Variants in RFC3 observed in about 807,000 individuals in gnomAD.
RFC3 encodes the protein replication factor C subunit 3, also known as A1 38 kDa subunit.
RFC3 carries 41 observed loss-of-function variants against 45.1 expected under a neutral mutation model. The ratio of observed to expected loss-of-function variants is 0.91; its 90% CI spans 0.71 to 1.18. RFC3 has a LOEUF of 1.18. RFC3 is among the 50% of genes most tolerant of loss of function. RFC3 has a pLI of 0.00. For synonymous variants in RFC3, 149 were observed against 144.0 expected, an observed-to-expected ratio of 1.03 and a Z score of -0.25; for missense variants, 423 against 428.1, an observed-to-expected ratio of 0.99 and a Z score of 0.10.
At chr13:33,835,095 A>G in intron 7 of RFC3, 53 bp from the exon 8 acceptor site, 1 of 1,223,414 alleles carries the variant, frequency 8.2e-7, no homozygotes, top group Non-Finnish European at 1.2e-6. Flanking sequence ...GGGAATTTGG[A>G]AAAATTACCT....
At chr13:33,913,584 ACTCT>A (rs2082715482) in intron 8 of RFC3, among the ~76,000 whole-genome samples, 1 of 151,802 alleles carries the variant, frequency 6.6e-6, no homozygotes, top group African/African-American at 2.4e-5. Flanking sequence ...GAAATTACTC[ACTCT>A]CTCTAAGCCT....
chr13:33,908,555 A>G (rs193183501), intron 8 of RFC3, among the ~76,000 whole-genome samples: 1 of 151,380 alleles, frequency 6.6e-6, no homozygotes, highest in Non-Finnish European at 1.5e-5. Context: ...TGTATTCTAT[A>G]ATAGTCTGTG....
At chr13:33,857,435 A>G (rs1277708600) in intron 8 of RFC3, among the ~76,000 whole-genome samples, 1 of 152,162 alleles carries the variant, frequency 6.6e-6, no homozygotes, top group African/African-American at 2.4e-5. Context: ...CCTCAAGGAA[A>G]CACAAGTCAG....
intron 8 of RFC3, among the ~76,000 whole-genome samples, chr13:33,927,165 TAA>T (rs2082819088): frequency 6.7e-6 from 1 of 150,268 alleles, no homozygotes; most frequent in Admixed American, 6.7e-5. Context: ...GTCTCAGGAA[TAA>T]AATAAGAGGG....
At chr13:33,918,739 A>G (rs1228657046) in intron 8 of RFC3, among the ~76,000 whole-genome samples, 1 of 152,126 alleles carries the variant, frequency 6.6e-6, no homozygotes, top group East Asian at 1.9e-4. Context: ...GTCACATCCC[A>G]TTACTCTGGA....
At chr13:33,950,143 C>G (rs554516795) in intron 8 of RFC3, among the ~76,000 whole-genome samples, 2 of 151,762 alleles carry the variant, frequency 1.3e-5, no homozygotes, top group African/African-American at 4.8e-5. Context: ...AAACCTAGTA[C>G]AGTGCACTTC....
At chr13:33,899,204 C>CAGAAAAAAAAAAAAAA (rs2082621737) in intron 8 of RFC3, among the ~76,000 whole-genome samples, 1 of 51,968 alleles carries the variant, frequency 1.9e-5, no homozygotes, top group Non-Finnish European at 3.6e-5. Context: ...CACAATAAGA[C>CAGAAAAAAAAAAAAAA]AAAAAAAAAA....
rs181489243 is a variant in RFC3, at chr13:33,942,224, T to C, written c.880-23863T>C. Among the ~76,000 whole-genome samples the C allele has an allele frequency of 2.3e-3, 355 of 152,232 alleles. 1 individual carries two copies. Among genetic ancestry groups the C allele is most frequent in the African/African-American group, 8.2e-3 (342 of 41,562 alleles). ...TAATGCTTCTTGGTATGCATTGTAA[T>C]TTTTTTGCCTTTTATTTTTGTTTTT... On this transcript the variant is annotated intron_variant, in intron 8 of 8. Coordinates refer to the RFC3 transcript ENST00000434425.
chr13:33,925,029 T>C lies in RFC3; in HGVS notation c.880-41058T>C, dbSNP rs534153386. 2.0e-5 allele frequency among the ~76,000 whole-genome samples: 3 copies of C among 149,774 alleles called. No individual in the cohort carries two copies. The South Asian group carries it at 6.3e-4, about 31-fold the overall frequency. On this transcript the variant is annotated intron_variant, in intron 8 of 8. Transcript: ENST00000434425. ...TGTGGTAATCATTTCACTATATATATACATATATATAGTGTACATATATAT... is the reference window on the plus strand; with the variant it reads ...TGTGGTAATCATTTCACTATATATACACATATATATAGTGTACATATATAT...
rs3135629 is a variant in RFC3 at position 33,835,466 on chromosome 13, T to G, written c.879+249T>G. On this transcript the variant is annotated intron_variant, in intron 8 of 8. Transcript: ENST00000380071. Reference sequence around the variant, plus strand: ...AAGGAGAACAAATAAAGAAGAGAATTTCAGAGTGTTGTAAGTGCTGTAAAG... The same window carrying G: ...AAGGAGAACAAATAAAGAAGAGAATGTCAGAGTGTTGTAAGTGCTGTAAAG... The G allele has an allele frequency of 0.17, 112,344 of 657,024 alleles. 15,602 individuals carry two copies. The highest frequency in any genetic ancestry group is 0.45 in the African/African-American group (25,235 of 56,698). 40.7% of individuals were successfully genotyped at this position (657,024 alleles called of 1,614,324 possible).
At chr13:33,966,219 C>T (rs747955354) in exon 9 of RFC3, 64 of 902,596 alleles carry the variant, frequency 7.1e-5, no homozygotes, top group Non-Finnish European at 1.0e-4. Context: ...TCTGAATGTC[C>T]TGACACCTGC....
downstream of RFC3, among the ~76,000 whole-genome samples, chr13:33,970,298 G>T (rs1308263477): frequency 1.3e-5 from 2 of 152,086 alleles, no homozygotes; most frequent in South Asian, 2.1e-4. Context: ...GTATTCCATG[G>T]TATATATGTA....
chr13:33,940,704 TA>T (rs995743662), intron 8 of RFC3, among the ~76,000 whole-genome samples: 2 of 152,248 alleles, frequency 1.3e-5, no homozygotes, highest in African/African-American at 4.8e-5. Flanking sequence ...CGTAGTCTAA[TA>T]AAATTACTTT....
chr13:33,914,220 T>C (rs1013446809), intron 8 of RFC3, among the ~76,000 whole-genome samples: 1 of 152,120 alleles, frequency 6.6e-6, no homozygotes, highest in African/African-American at 2.4e-5. Context: ...TTGAGTCAAG[T>C]TTTGGAAGAA....
chr13:33,846,028 A>C (rs76961223), intron 8 of RFC3, among the ~76,000 whole-genome samples: 4,543 of 152,242 alleles, frequency 0.03, 135 homozygotes, highest in African/African-American at 0.069. Context: ...GCTCATAGAG[A>C]TATTGCCTTG....
At chr13:33,925,216 TACTATATACATACACATATA>T (rs2082798477) in intron 8 of RFC3, among the ~76,000 whole-genome samples, 2 of 116,478 alleles carry the variant, frequency 1.7e-5, no homozygotes, top group African/African-American at 7.1e-5. Flanking sequence ...ACATATAGTG[TACTATATACATACACATATA>T]GTGTACTATA....
intron 8 of RFC3, among the ~76,000 whole-genome samples, chr13:33,897,917 A>C (rs2082612205): frequency 6.6e-6 from 1 of 151,964 alleles, no homozygotes; most frequent in Non-Finnish European, 1.5e-5. Flanking sequence ...AGTATATATA[A>C]AAACATTAAC....
chr13:33,954,565 C>T (rs1042960354), intron 8 of RFC3, among the ~76,000 whole-genome samples: 3 of 152,178 alleles, frequency 2.0e-5, no homozygotes, highest in African/African-American at 7.2e-5. Flanking sequence ...TGACAGAATA[C>T]AATAGTCTGG....
intron 8 of RFC3, among the ~76,000 whole-genome samples, chr13:33,909,752 G>A (rs1593684866): frequency 6.6e-6 from 1 of 152,074 alleles, no homozygotes; most frequent in Non-Finnish European, 1.5e-5. Context: ...CAAAATAAGA[G>A]TGTACCTGAG....
Sources: gnomAD v4.1 joint callset for allele counts (sites outside exome capture counted in the v4.1 genomes callset) on GRCh38, gnomAD v4.1.1 for gene constraint, MANE v1.5 for transcripts, NCBI Gene and HGNC (gene_info 2026-07-23, HGNC 2026-07-21) for gene names.